Variants in STRIP2 observed in about 807,000 individuals in gnomAD.
STRIP2 encodes the protein striatin-interacting protein 2.
STRIP2 carries 84 observed loss-of-function variants against 107.1 expected under a neutral mutation model. That is an observed-to-expected ratio of 0.78 (90% confidence interval 0.66 to 0.94). The LOEUF (loss-of-function observed/expected upper bound fraction) is 0.94. Among genes scored for constraint, STRIP2 ranks in the 40% least tolerant of loss-of-function variants. The pLI is 0.00. For missense variants in STRIP2, 888 were observed against 1,034.2 expected, an observed-to-expected ratio of 0.86 and a Z score of 1.94; for synonymous variants, 394 against 400.4, an observed-to-expected ratio of 0.98 and a Z score of 0.19.
chr7:129,451,218 C>T (rs1028027303), intron 3 of STRIP2, among the ~76,000 whole-genome samples: 1 of 152,006 alleles, frequency 6.6e-6, no homozygotes, highest in East Asian at 1.9e-4. Flanking sequence ...GGATTACAGG[C>T]GTGAGCCACC....
At chr7:129,474,612 C>T (rs141908519) in intron 18 of STRIP2, among the ~76,000 whole-genome samples, 3,191 of 151,996 alleles carry the variant, frequency 0.021, 114 homozygotes, top group African/African-American at 0.071. Flanking sequence ...CAGGTTCAAG[C>T]GATTCTCCTG....
intron 3 of STRIP2, among the ~76,000 whole-genome samples, chr7:129,444,677 C>G (rs578066334): frequency 6.6e-6 from 1 of 152,298 alleles, no homozygotes; most frequent in Admixed American, 6.5e-5. Flanking sequence ...AACTCATACA[C>G]ATCTCCTGAG....
At chr7:129,479,876 A>G (rs557667770) in intron 18 of STRIP2, among the ~76,000 whole-genome samples, 3 of 152,282 alleles carry the variant, frequency 2.0e-5, no homozygotes, top group East Asian at 1.9e-4. Context: ...ATACCCTCAA[A>G]AACTTTGGAT....
chr7:129,443,262 A>T (rs1797949939), intron 2 of STRIP2, among the ~76,000 whole-genome samples: 1 of 151,594 alleles, frequency 6.6e-6, no homozygotes, highest in Admixed American at 6.6e-5. Flanking sequence ...CTAGACTCAA[A>T]CTCCTGGCCT....
chr7:129,485,702 G>C lies in STRIP2; in HGVS notation c.2378G>C (p.Cys793Ser). 6.2e-7 allele frequency: 1 copy of C among 1,614,144 alleles called. No homozygotes were observed. The highest frequency in any genetic ancestry group is 1.1e-5 in the South Asian group (1 of 91,080). Residue 793 changes from cysteine (C) to serine (S), a missense_variant, in exon 21 of 21, where the codon TGC (cysteine) becomes TCC (serine). By Grantham distance (112) the Cys-to-Ser change is moderately radical. Transcript: ENST00000249344. Reference sequence around the variant, plus strand: ...TCTGAGTTTTCACCTGTGGATAACTGCTTGCAGAGCGTACTGGGGCAGAGG... The same window carrying C: ...TCTGAGTTTTCACCTGTGGATAACTCCTTGCAGAGCGTACTGGGGCAGAGG... ...QDSEFSPVDN[C>S]LQSVLGQRLD...
intron 1 of STRIP2, among the ~76,000 whole-genome samples, chr7:129,437,811 G>GTTT (rs1299449784): frequency 7.9e-6 from 1 of 126,940 alleles, no homozygotes. Context: ...GTTTTTTTTT[G>GTTT]TTTTTTTTTT....
Position 129,450,344 on chromosome 7 carries a change from A to G in STRIP2, c.275-1269A>G, listed in dbSNP as rs529379053. ...CCTTTCCTTCTTGCTTAGGGGATAC[A>G]GGGTTCTCTGTATCTCAAGTGGAGA... On this transcript the variant is annotated intron_variant, in intron 3 of 20. Coordinates refer to ENST00000249344, the MANE Select transcript of STRIP2 (RefSeq NM_020704.3). Among the ~76,000 whole-genome samples, 9 of 152,270 alleles carry G rather than the reference A, an allele frequency of 5.9e-5. No homozygotes were observed. In the South Asian group the frequency reaches 1.5e-3, roughly 25 times the overall value.
At chr7:129,469,639 A>G (rs1446506827) in intron 17 of STRIP2, among the ~76,000 whole-genome samples, 1 of 152,236 alleles carries the variant, frequency 6.6e-6, no homozygotes. Flanking sequence ...GTAGTTTGAC[A>G]CTGCCCTCTC....
intron 2 of STRIP2, among the ~76,000 whole-genome samples, chr7:129,442,920 C>T (rs1418384598): frequency 6.6e-6 from 1 of 152,282 alleles, no homozygotes; most frequent in Non-Finnish European, 1.5e-5. Context: ...TCTGTTCTAT[C>T]ATCTGTTGAC....
chr7:129,482,678 C>T (rs1799156952), intron 19 of STRIP2, among the ~76,000 whole-genome samples, 164 bp from the exon 20 acceptor site: 1 of 151,870 alleles, frequency 6.6e-6, no homozygotes, highest in African/African-American at 2.4e-5. Context: ...TTGCCCAGCC[C>T]CCCTCTATAT....
At position 129,454,244 on chromosome 7, in the gene STRIP2, C is replaced by A. The variant is rs117576083; in HGVS notation, c.599+34C>A. On this transcript the variant is annotated intron_variant, in intron 6 of 20. Coordinates refer to ENST00000249344, the MANE Select transcript of STRIP2 (RefSeq NM_020704.3). ...GGCTAACTATGGGCTTGGAACAGGG[C>A]AGATGATTAGCACCTGGGTTACCTT... 6,875 of 1,604,096 alleles carry A rather than the reference C, an allele frequency of 4.3e-3. 17 individuals are homozygous for A. The highest frequency in any genetic ancestry group is 5.4e-3 in the Non-Finnish European group (6,319 of 1,171,206).
rs78481876 is a variant in STRIP2 at position 129,477,710 on chromosome 7, C to T, written c.1945-3075C>T. ...AAACCCATATGATAAGAGAATTATT[C>T]TATAATGGTGTTGGTAAAGAAAATC... On this transcript the variant is annotated intron_variant, in intron 18 of 20. Coordinates refer to ENST00000249344, the MANE Select transcript of STRIP2 (RefSeq NM_020704.3). Among the ~76,000 whole-genome samples, 1,023 of 152,226 alleles carry T rather than the reference C, an allele frequency of 6.7e-3. 12 individuals are homozygous for T. Among genetic ancestry groups the T allele is most frequent in the African/African-American group, 0.023 (969 of 41,534 alleles).
chr7:129,449,432 C>T lies in STRIP2; in HGVS notation c.275-2181C>T, dbSNP rs184285574. Among the ~76,000 whole-genome samples, 305 of 152,294 alleles carry T rather than the reference C, an allele frequency of 2.0e-3. 4 individuals carry two copies. In the South Asian group the frequency reaches 0.024, roughly 12 times the overall value. On this transcript the variant is annotated intron_variant, in intron 3 of 20. Coordinates refer to ENST00000249344, the MANE Select transcript of STRIP2 (RefSeq NM_020704.3). Reference sequence around the variant, plus strand: ...TCTGAGGAGAAGCAATATTATCTTGCCTGGCAACTGTTTCAGGGCAACTGC... The same window carrying T: ...TCTGAGGAGAAGCAATATTATCTTGTCTGGCAACTGTTTCAGGGCAACTGC...
chr7:129,436,645 G>A (rs867375863), intron 1 of STRIP2, among the ~76,000 whole-genome samples: 5 of 152,182 alleles, frequency 3.3e-5, no homozygotes, highest in Admixed American at 2.0e-4. Flanking sequence ...ACAGTACCCA[G>A]GTGCCAGATC....
At chr7:129,468,138 G>A (rs1798713783) in intron 17 of STRIP2, among the ~76,000 whole-genome samples, 2 of 152,166 alleles carry the variant, frequency 1.3e-5, no homozygotes, top group African/African-American at 4.8e-5. Flanking sequence ...GGGGATTACA[G>A]AGTAGATCCT....
chr7:129,460,786 A>C (rs1798511420), intron 13 of STRIP2, among the ~76,000 whole-genome samples: 1 of 152,162 alleles, frequency 6.6e-6, no homozygotes, highest in Non-Finnish European at 1.5e-5. Flanking sequence ...CAGGCTTAAG[A>C]GTGTCAGAGG....
intron 18 of STRIP2, among the ~76,000 whole-genome samples, chr7:129,480,329 G>A (rs1799085068): frequency 6.6e-6 from 1 of 152,168 alleles, no homozygotes; most frequent in African/African-American, 2.4e-5. Flanking sequence ...AAAGGAGGGT[G>A]AAGGTTGATA....
Position 129,487,657 on chromosome 7 carries a change from T to G in STRIP2, c.*1828T>G, listed in dbSNP as rs192644075. 3.3e-5 allele frequency: 5 copies of G among 152,322 alleles called. No homozygotes were observed. The highest frequency in any genetic ancestry group is 7.4e-5 in the Non-Finnish European group (5 of 68,022). The allele number at this position is 152,322 out of a possible 1,614,324, so 9.4% of individuals were successfully genotyped here. A position where few individuals can be genotyped will look rare whatever the true frequency, so the allele number is the denominator to read the frequency against. On this transcript the variant is annotated 3_prime_UTR_variant, in exon 21 of 21. Coordinates refer to ENST00000249344, the MANE Select transcript of STRIP2 (RefSeq NM_020704.3). ...AAATTTTACCTAAGTAGGACAGTAG[T>G]CCTTACTGCAATCAAAATAATTTAC...
chr7:129,463,066 G>A (rs748622326), intron 14 of STRIP2, 26 bp downstream of exon 14: 1 of 1,577,934 alleles, frequency 6.3e-7, no homozygotes. Flanking sequence ...GGCCAGAGCT[G>A]CCCTTCTCTG....
Sources: gnomAD v4.1 joint callset for allele counts (sites outside exome capture counted in the v4.1 genomes callset) on GRCh38, gnomAD v4.1.1 for gene constraint, MANE v1.5 for transcripts, NCBI Gene and HGNC (gene_info 2026-07-23, HGNC 2026-07-21) for gene names.